Variants in CNTN4 observed in about 807,000 individuals in gnomAD.
CNTN4 encodes contactin-4.
A neutral mutation model predicts 122.5 loss-of-function variants in CNTN4; 77 were observed. The observed-to-expected ratio is 0.63, with a 90% CI of 0.52 to 0.76. The LOEUF is 0.76. Among genes scored for constraint, CNTN4 ranks in the 30% least tolerant of loss-of-function variants. The pLI is 0.00. For synonymous variants in CNTN4, 512 were observed against 447.0 expected (o/e 1.15, Z -1.83); for missense variants, 1,256 against 1,259.1 (o/e 1.00, Z 0.04).
chr3:2,753,182 T>G (rs1411884561), intron 6 of CNTN4, among the ~76,000 whole-genome samples: 1 of 152,198 alleles, frequency 6.6e-6, no homozygotes. Context: ...ATTGTATACC[T>G]AAGTATAGTT....
chr3:2,656,106 G>GT (rs2083577846), intron 4 of CNTN4, among the ~76,000 whole-genome samples: 1 of 152,198 alleles, frequency 6.6e-6, no homozygotes, highest in Non-Finnish European at 1.5e-5. Context: ...ATGTTGAAGA[G>GT]TAGCACCATG....
At chr3:2,656,573 C>G (rs1455448959) in intron 4 of CNTN4, among the ~76,000 whole-genome samples, 1 of 152,180 alleles carries the variant, frequency 6.6e-6, no homozygotes, top group Admixed American at 6.5e-5. Context: ...ATAATGCGGA[C>G]TAACTTAACA....
At chr3:2,807,224 T>G (rs1025407382) in intron 6 of CNTN4, among the ~76,000 whole-genome samples, 32 of 152,296 alleles carry the variant, frequency 2.1e-4, no homozygotes, top group African/African-American at 7.2e-4. Context: ...TTCTAAGAAC[T>G]GACAGGTTTA....
At chr3:2,540,680 TTAAG>T (rs1303359541) in intron 3 of CNTN4, among the ~76,000 whole-genome samples, 62 of 152,226 alleles carry the variant, frequency 4.1e-4, no homozygotes, top group Middle Eastern at 3.4e-3. Context: ...AACATAATCT[TTAAG>T]TAATTGTGAG....
At chr3:2,810,878 C>T (rs1213805565) in intron 6 of CNTN4, among the ~76,000 whole-genome samples, 1 of 152,108 alleles carries the variant, frequency 6.6e-6, no homozygotes. Context: ...ACAAAAAACT[C>T]AGGCAGTTGG....
rs148255341 is a variant in CNTN4 at position 2,710,723 on chromosome 3, C to T, written c.56-25492C>T. On this transcript the variant is annotated intron_variant, in intron 4 of 24. Transcript: ENST00000418658. ...TTTATCTAATTGAGGCCATTTCTAC[C>T]TCTGATGAATAATTTCATAAAGTTT... is the stretch of plus-strand genomic sequence containing the variant. Among the ~76,000 whole-genome samples the T allele has an allele frequency of 2.2e-4, 34 of 152,206 alleles. 1 individual carries two copies. Among genetic ancestry groups the T allele is most frequent in the African/African-American group, 6.7e-4 (28 of 41,520 alleles).
chr3:2,120,393 A>ATG (rs2033673313), intron 2 of CNTN4, among the ~76,000 whole-genome samples: 3 of 29,526 alleles, frequency 1.0e-4, no homozygotes, highest in East Asian at 2.4e-3. Context: ...ATATATATAT[A>ATG]TATATATATA....
At chr3:2,854,268 C>CTTCTT (rs1553665934) in intron 7 of CNTN4, among the ~76,000 whole-genome samples, 3 of 90,050 alleles carry the variant, frequency 3.3e-5, no homozygotes, top group Non-Finnish European at 6.1e-5. Context: ...CTTTCTTCTT[C>CTTCTT]TTTTTTTTTT....
At chr3:2,564,871 T>C (rs2079093433) in intron 3 of CNTN4, among the ~76,000 whole-genome samples, 2 of 152,174 alleles carry the variant, frequency 1.3e-5, no homozygotes, top group African/African-American at 2.4e-5. Context: ...AATTAATCCG[T>C]ATAACTGTGG....
At chr3:2,352,523 G>T (rs911908811) in intron 3 of CNTN4, among the ~76,000 whole-genome samples, 3 of 152,202 alleles carry the variant, frequency 2.0e-5, no homozygotes, top group Admixed American at 6.5e-5. Context: ...GCAGCGAGAG[G>T]CTTAGCACCT....
At chr3:2,562,395 T>C (rs2078994774) in intron 3 of CNTN4, among the ~76,000 whole-genome samples, 2 of 152,228 alleles carry the variant, frequency 1.3e-5, no homozygotes, top group African/African-American at 4.8e-5. Context: ...CTCTTTGTTC[T>C]ACTAGTCCCC....
intron 13 of CNTN4, among the ~76,000 whole-genome samples, chr3:2,953,059 A>G (rs1389367569): frequency 6.6e-6 from 1 of 152,190 alleles, no homozygotes; most frequent in Non-Finnish European, 1.5e-5. Context: ...AAGTGACAAA[A>G]CTGGAATTCA....
At chr3:2,821,116 C>T (rs542029175) in intron 7 of CNTN4, among the ~76,000 whole-genome samples, 96 of 151,780 alleles carry the variant, frequency 6.3e-4, no homozygotes, top group South Asian at 1.3e-3. Context: ...CACCCACCAC[C>T]GTGCCAATTT....
At chr3:2,449,755 G>T (rs2048757102) in intron 3 of CNTN4, among the ~76,000 whole-genome samples, 1 of 152,104 alleles carries the variant, frequency 6.6e-6, no homozygotes, top group African/African-American at 2.4e-5. Context: ...ATGGAATATC[G>T]TTCTGTCTTA....
At chr3:2,919,539 G>A (rs2094406416) in intron 12 of CNTN4, among the ~76,000 whole-genome samples, 2 of 152,048 alleles carry the variant, frequency 1.3e-5, no homozygotes, top group African/African-American at 4.8e-5. Context: ...CTAATAACAA[G>A]AGCTACTATT....
chr3:2,158,302 T>C (rs73095893), intron 2 of CNTN4, among the ~76,000 whole-genome samples: 3,811 of 152,330 alleles, frequency 0.025, 146 homozygotes, highest in African/African-American at 0.087. Context: ...TCCCTCATTA[T>C]TTGTCCATCA....
At chr3:2,984,170 T>C (rs1694331629) in intron 13 of CNTN4, among the ~76,000 whole-genome samples, 1 of 152,176 alleles carries the variant, frequency 6.6e-6, no homozygotes, top group Non-Finnish European at 1.5e-5. Flanking sequence ...CTACTACGAC[T>C]GTGAAAAGCT....
At chr3:2,602,429 A>G (rs1392369116) in intron 4 of CNTN4, among the ~76,000 whole-genome samples, 1 of 152,224 alleles carries the variant, frequency 6.6e-6, no homozygotes, top group East Asian at 1.9e-4. Context: ...AAAAATCACA[A>G]GCATTCCTAT....
chr3:2,879,635 A>G (rs1256219055), intron 8 of CNTN4, among the ~76,000 whole-genome samples: 2 of 84,930 alleles, frequency 2.4e-5, no homozygotes, highest in African/African-American at 3.9e-5. Context: ...AAATATTCAG[A>G]AAAAAAGCAA....
Sources: allele counts gnomAD v4.1 joint callset (sites outside exome capture counted in the v4.1 genomes callset), GRCh38; gene constraint gnomAD v4.1.1; transcripts MANE v1.5; gene names NCBI Gene and HGNC (gene_info 2026-07-23, HGNC 2026-07-21).